The following C13orf42 variants were observed in gnomAD, a reference collection of about 807,000 sequenced individuals.
The protein encoded by C13orf42 is chromosome 13 open reading frame 42.
At chr13:51,159,802 AC>A (rs1317992657) in intron 1 of C13orf42, among the ~76,000 whole-genome samples, 1 of 152,014 alleles carries the variant, frequency 6.6e-6, no homozygotes, top group Non-Finnish European at 1.5e-5. Context: ...CATATGTAAG[AC>A]AGTGTATTAG....
intron 1 of C13orf42, among the ~76,000 whole-genome samples, chr13:51,148,571 C>T (rs930598013): frequency 1.3e-5 from 2 of 152,184 alleles, no homozygotes; most frequent in Non-Finnish European, 2.9e-5. Context: ...ACAGCTCATG[C>T]AATCCCCTGA....
intron 1 of C13orf42, among the ~76,000 whole-genome samples, chr13:51,105,877 C>A (rs1284503272): frequency 6.6e-6 from 1 of 152,134 alleles, no homozygotes; most frequent in African/African-American, 2.4e-5. Context: ...GATACAGAAG[C>A]TAATTCAGCT....
chr13:51,085,594 G>A (rs1183898586), intron 2 of C13orf42, 35 bp from the exon 3 acceptor site: 1 of 398,502 alleles, frequency 2.5e-6, no homozygotes, highest in African/African-American at 2.1e-5. Context: ...AGGAAGGAAG[G>A]GCTTGCCATT....
intron 1 of C13orf42, among the ~76,000 whole-genome samples, chr13:51,143,039 T>C (rs1051513951): frequency 6.6e-6 from 1 of 152,196 alleles, no homozygotes; most frequent in Non-Finnish European, 1.5e-5. Flanking sequence ...AAAAATTTTT[T>C]AAATTAAGGT....
chr13:51,133,562 T>A (rs983480145), intron 1 of C13orf42, among the ~76,000 whole-genome samples: 5 of 151,996 alleles, frequency 3.3e-5, no homozygotes, highest in Non-Finnish European at 5.9e-5. Flanking sequence ...TTATTAAATA[T>A]ATATTTTTTA....
intron 1 of C13orf42, among the ~76,000 whole-genome samples, chr13:51,130,099 A>G (rs968268894): frequency 2.6e-5 from 4 of 152,232 alleles, no homozygotes; most frequent in Non-Finnish European, 5.9e-5. Flanking sequence ...GTGCTTAAAT[A>G]AAATATTTTT....
chr13:51,106,917 GATTT>G (rs2137998014), intron 1 of C13orf42, among the ~76,000 whole-genome samples: 1 of 152,262 alleles, frequency 6.6e-6, no homozygotes, highest in Non-Finnish European at 1.5e-5. Flanking sequence ...CTCACGTACG[GATTT>G]TTTTTGTTGT....
At chr13:51,138,129 G>A (rs1261605129) in intron 1 of C13orf42, among the ~76,000 whole-genome samples, 1 of 152,178 alleles carries the variant, frequency 6.6e-6, no homozygotes, top group Non-Finnish European at 1.5e-5. Context: ...CTGGCGAGGA[G>A]GAGGGGCAGA....
chr13:51,128,043 G>A (rs1397275489), intron 1 of C13orf42, among the ~76,000 whole-genome samples: 1 of 152,148 alleles, frequency 6.6e-6, no homozygotes, highest in South Asian at 2.1e-4. Flanking sequence ...ACCTCTGGTC[G>A]TCCTCACTGC....
chr13:51,084,205 G>C lies in C13orf42; in HGVS notation c.924C>G (p.Asn308Lys), dbSNP rs1953096432. Residue 308 changes from asparagine (N) to lysine (K), a missense_variant, in exon 4 of 4, where the codon AAC becomes AAG. Physicochemically the swap from Asn to Lys is moderately conservative, Grantham distance 94. Transcript: ENST00000563710. ...CTCGAAGCAGCCACTGTCCTTTGGG[G>C]TTCTCTGTCTCATAGTAGTCCTCCC... ...SPGEDYYETE[N>K]PKGQWLLRER... 2.5e-6 allele frequency: 1 copy of C among 398,612 alleles called. No homozygotes were observed. Among genetic ancestry groups the C allele is most frequent in the Non-Finnish European group, 4.4e-6 (1 of 226,122 alleles). The allele number at this position is 398,612 out of a possible 1,614,324, so 24.7% of individuals were successfully genotyped here. A position where few individuals can be genotyped will look rare whatever the true frequency, so the allele number is the denominator to read the frequency against.
intron 1 of C13orf42, among the ~76,000 whole-genome samples, chr13:51,135,128 G>T (rs1285561014): frequency 6.6e-6 from 1 of 152,230 alleles, no homozygotes; most frequent in Non-Finnish European, 1.5e-5. Context: ...TGCACCTGTG[G>T]CTGTCAGAGG....
chr13:51,107,823 C>A (rs574492999), intron 1 of C13orf42, among the ~76,000 whole-genome samples: 1 of 152,210 alleles, frequency 6.6e-6, no homozygotes, highest in Non-Finnish European at 1.5e-5. Context: ...CACATTTTAA[C>A]AAACCACAGT....
intron 1 of C13orf42, among the ~76,000 whole-genome samples, chr13:51,105,920 T>C (rs932224295): frequency 1.1e-4 from 16 of 152,230 alleles, no homozygotes; most frequent in African/African-American, 3.9e-4. Flanking sequence ...CATAGATTCT[T>C]CATCTCAGAT....
intron 1 of C13orf42, among the ~76,000 whole-genome samples, chr13:51,146,178 T>C (rs1953733454): frequency 8.0e-6 from 1 of 124,510 alleles, no homozygotes; most frequent in Admixed American, 8.2e-5. Flanking sequence ...TATAAATATA[T>C]AAAAGGCACC....
chr13:51,095,527 T>A (rs140563894), intron 1 of C13orf42, among the ~76,000 whole-genome samples: 58 of 152,104 alleles, frequency 3.8e-4, no homozygotes, highest in African/African-American at 1.3e-3. Context: ...TTTATTTATT[T>A]ACTTATTTGG....
intron 1 of C13orf42, among the ~76,000 whole-genome samples, chr13:51,150,082 T>C (rs1460820615): frequency 6.6e-6 from 1 of 152,234 alleles, no homozygotes; most frequent in Non-Finnish European, 1.5e-5. Flanking sequence ...TTAAAGAAGC[T>C]TCCCTTTTGA....
rs1317518171 is a variant in C13orf42, at chr13:51,121,535, TTTC to T, written n.137-8316_137-8314del. On this transcript the variant is annotated intron_variant and non_coding_transcript_variant, in intron 1 of 4. Coordinates refer to the C13orf42 transcript ENST00000433280. ...TCTAGTACTCTAGCCTGAAAAAAAT[TTTC>T]TTTTTTTTTTTTTTTGAGACAGAGT... is the stretch of plus-strand genomic sequence containing the variant. Among the ~76,000 whole-genome samples the T allele has an allele frequency of 6.0e-5, 7 of 116,660 alleles. No homozygotes were observed. In the East Asian group the frequency reaches 1.7e-3, roughly 29 times the overall value. The allele number at this position is 116,660 out of a possible 152,430, so 76.5% of individuals were successfully genotyped here.
At chr13:51,126,903 G>A (rs1011348862) in intron 1 of C13orf42, among the ~76,000 whole-genome samples, 5 of 152,202 alleles carry the variant, frequency 3.3e-5, no homozygotes, top group African/African-American at 4.8e-5. Flanking sequence ...AGTGGCTCAC[G>A]CTTATAATCC....
At chr13:51,158,477 C>A (rs1450999980) in intron 1 of C13orf42, among the ~76,000 whole-genome samples, 1 of 152,226 alleles carries the variant, frequency 6.6e-6, no homozygotes, top group Non-Finnish European at 1.5e-5. Context: ...AACTATTCAC[C>A]ATCACCCTCA....
Sources: allele counts gnomAD v4.1 joint callset (sites outside exome capture counted in the v4.1 genomes callset), GRCh38; gene constraint gnomAD v4.1.1; transcripts MANE v1.5; gene names NCBI Gene and HGNC (gene_info 2026-07-23, HGNC 2026-07-21).